The following SGMS2 variants were observed in gnomAD, a reference collection of about 807,000 sequenced individuals.
SGMS2 encodes sphingomyelin synthase 2, also known as phosphatidylcholine:ceramide cholinephosphotransferase 2.
SGMS2 carries 21 observed loss-of-function variants against 43.8 expected under a neutral mutation model. That is an observed-to-expected ratio of 0.48 (90% CI 0.34 to 0.69). SGMS2 has a LOEUF of 0.69. Ranked by LOEUF, SGMS2 falls within the 30% of genes least tolerant of loss-of-function variation. The probability of loss-of-function intolerance (pLI) is 0.01; values close to 1 mark genes in which losing one functional copy is unlikely to be tolerated. For synonymous variants in SGMS2, 167 were observed against 160.6 expected, an observed-to-expected ratio of 1.04 and a Z score of -0.30; for missense variants, 384 against 443.2, an observed-to-expected ratio of 0.87 and a Z score of 1.20.
chr4:107,849,319 G>C (rs907957085), intron 1 of SGMS2, among the ~76,000 whole-genome samples: 1 of 152,094 alleles, frequency 6.6e-6, no homozygotes, highest in Admixed American at 6.6e-5. Context: ...ACACTGTCCA[G>C]TACAGTAGCC....
intron 2 of SGMS2, among the ~76,000 whole-genome samples, chr4:107,878,767 T>A (rs1277265633): frequency 6.6e-6 from 1 of 152,174 alleles, no homozygotes; most frequent in Non-Finnish European, 1.5e-5. Flanking sequence ...CTTTCCAAAA[T>A]ATGCTAAGAA....
intron 1 of SGMS2, among the ~76,000 whole-genome samples, chr4:107,838,891 A>G (rs1578506466): frequency 6.6e-6 from 1 of 152,116 alleles, no homozygotes; most frequent in South Asian, 2.1e-4. Flanking sequence ...CTCTTCCTGC[A>G]CCATCTGCCT....
intron 2 of SGMS2, among the ~76,000 whole-genome samples, chr4:107,860,158 T>C (rs1476921666): frequency 2.0e-5 from 3 of 152,148 alleles, no homozygotes; most frequent in African/African-American, 7.2e-5. Flanking sequence ...CTATTTGCCC[T>C]CTTCATAATG....
At position 107,840,568 on chromosome 4, in the gene SGMS2, C is replaced by A. The variant is rs561324403; in HGVS notation, c.-327+15315C>A. On this transcript the variant is annotated intron_variant, in intron 1 of 6. Transcript: ENST00000690982. ...GAATAGGAAATAGGAAAGGAAAGAT[C>A]TTTTAAAACTTGGACACAGTAAGAG... is the stretch of plus-strand genomic sequence containing the variant. Among the ~76,000 whole-genome samples the A allele has an allele frequency of 7.9e-5, 12 of 152,254 alleles. No individual in the cohort carries two copies. The South Asian group carries it at 1.9e-3, about 24-fold the overall frequency.
At chr4:107,904,726 A>G (rs1731406236) in intron 5 of SGMS2, among the ~76,000 whole-genome samples, 1 of 152,140 alleles carries the variant, frequency 6.6e-6, no homozygotes, top group African/African-American at 2.4e-5. Flanking sequence ...TCTCTGCACC[A>G]TCATCAGAGG....
At chr4:107,864,635 G>A (rs547735625) in intron 2 of SGMS2, among the ~76,000 whole-genome samples, 3 of 152,164 alleles carry the variant, frequency 2.0e-5, no homozygotes, top group Admixed American at 2.0e-4. Context: ...AATAAAAATT[G>A]TATATATTAA....
intron 2 of SGMS2, among the ~76,000 whole-genome samples, chr4:107,874,457 G>C (rs1357948395): frequency 6.6e-6 from 1 of 152,176 alleles, no homozygotes; most frequent in Non-Finnish European, 1.5e-5. Context: ...TCTAGAGCTA[G>C]CAACATAGGG....
chr4:107,853,898 T>G (rs2126019558), intron 1 of SGMS2, among the ~76,000 whole-genome samples: 1 of 152,334 alleles, frequency 6.6e-6, no homozygotes, highest in Middle Eastern at 3.4e-3. Flanking sequence ...CAAAAAAAGC[T>G]TCTCCAAGAA....
chr4:107,891,325 CA>C (rs34039206), intron 2 of SGMS2, among the ~76,000 whole-genome samples: 106,613 of 150,526 alleles, frequency 0.71, 38,428 homozygotes, highest in African/African-American at 0.85. Context: ...AACAGTTAAG[CA>C]AAAAAAAAAT....
rs1384522156 is a variant in SGMS2, at chr4:107,895,847, A to C, written c.294A>C (p.Thr98=). The change falls in exon 3 of 7, where the codon ACA becomes ACC. Residue 98 remains threonine (T), a synonymous_variant. Transcript: ENST00000690982. ...TCGTCTTGACAACCGTCATGATCACAGTTGTACATGAGAGGGTCCCTCCCA... is the reference window on the plus strand; with the variant it reads ...TCGTCTTGACAACCGTCATGATCACCGTTGTACATGAGAGGGTCCCTCCCA... ...FNLVLTTVMI[T]VVHERVPPKE... The C allele has an allele frequency of 3.1e-6, 5 of 1,614,026 alleles. No individual in the cohort carries two copies. The highest frequency in any genetic ancestry group is 8.5e-7 in the Non-Finnish European group (1 of 1,179,944).
intron 1 of SGMS2, among the ~76,000 whole-genome samples, chr4:107,837,503 G>A (rs1031188976): frequency 6.6e-6 from 1 of 152,174 alleles, no homozygotes; most frequent in African/African-American, 2.4e-5. Flanking sequence ...GTGAGCAGCA[G>A]AAGTAGGCAA....
chr4:107,857,642 C>G (rs1193248976), intron 1 of SGMS2, among the ~76,000 whole-genome samples: 1 of 151,794 alleles, frequency 6.6e-6, no homozygotes, highest in Admixed American at 6.6e-5. Flanking sequence ...GAACTGCAGA[C>G]CTCTGGCCAG....
At chr4:107,854,601 T>C (rs1398001905) in intron 1 of SGMS2, among the ~76,000 whole-genome samples, 1 of 152,196 alleles carries the variant, frequency 6.6e-6, no homozygotes, top group Non-Finnish European at 1.5e-5. Context: ...TCTCCTAATG[T>C]TGGAGAATTT....
intron 4 of SGMS2, among the ~76,000 whole-genome samples, chr4:107,901,119 G>A (rs1306157174): frequency 6.6e-6 from 1 of 152,144 alleles, no homozygotes; most frequent in Non-Finnish European, 1.5e-5. Context: ...TGCAATCTTT[G>A]GAAGCCACAT....
rs1354403993 is a variant in SGMS2, at chr4:107,914,040, A to C, written c.*3487A>C. On this transcript the variant is annotated 3_prime_UTR_variant, in exon 7 of 7. Coordinates refer to ENST00000690982, the MANE Select transcript of SGMS2 (RefSeq NM_001375905.1). ...ACACGTTTAAATCAAGCATATTATA[A>C]GTTATATGCCATGTGTTGAAGGCTT... 6.6e-6 allele frequency: 1 copy of C among 152,112 alleles called. No individual in the cohort carries two copies. Among genetic ancestry groups the C allele is most frequent in the Non-Finnish European group, 1.5e-5 (1 of 67,998 alleles). 9.4% of individuals were successfully genotyped at this position (152,112 alleles called of 1,614,324 possible).
intron 1 of SGMS2, among the ~76,000 whole-genome samples, chr4:107,826,454 AT>A (rs1255299926): frequency 6.6e-6 from 1 of 152,202 alleles, no homozygotes; most frequent in Non-Finnish European, 1.5e-5. Context: ...GGGAACTGCC[AT>A]TTACTGTTTA....
At chr4:107,850,915 G>C (rs1233632717) in intron 1 of SGMS2, among the ~76,000 whole-genome samples, 2 of 152,116 alleles carry the variant, frequency 1.3e-5, no homozygotes, top group African/African-American at 4.8e-5. Context: ...CCTTCTACGA[G>C]TGTACCCCTC....
chr4:107,886,343 G>T (rs528148573), intron 2 of SGMS2, among the ~76,000 whole-genome samples: 1 of 150,102 alleles, frequency 6.7e-6, no homozygotes, highest in African/African-American at 2.5e-5. Flanking sequence ...GGGACTACAG[G>T]TGCACCACCA....
chr4:107,895,504 A>G lies in SGMS2; in HGVS notation c.-50A>G. 2 of 1,535,794 alleles carry G rather than the reference A, an allele frequency of 1.3e-6. No individual in the cohort carries two copies. The highest frequency in any genetic ancestry group is 4.5e-5 in the East Asian group (2 of 44,142). Reference sequence around the variant, plus strand: ...GGATTGAAAAAAGCTAAATTTCCACAAAGAACAAGAACTTGACCATCTCCT... The same window carrying G: ...GGATTGAAAAAAGCTAAATTTCCACGAAGAACAAGAACTTGACCATCTCCT... On this transcript the variant is annotated 5_prime_UTR_variant, in exon 3 of 7. Transcript: ENST00000690982.
Sources: allele counts gnomAD v4.1 joint callset (sites outside exome capture counted in the v4.1 genomes callset), GRCh38; gene constraint gnomAD v4.1.1; transcripts MANE v1.5; gene names NCBI Gene and HGNC (gene_info 2026-07-23, HGNC 2026-07-21).